Variants in ZNHIT3 observed in about 807,000 individuals in gnomAD.
ZNHIT3 encodes the protein zinc finger HIT-type containing 3, also known as zinc finger HIT domain-containing protein 3.
ZNHIT3 carries 27 observed loss-of-function variants against 19.9 expected under a neutral mutation model. That is an observed-to-expected ratio of 1.36 (90% CI 1.00 to 1.87). The LOEUF (loss-of-function observed/expected upper bound fraction) is 1.87. Among genes scored for constraint, ZNHIT3 ranks in the 40% most tolerant of loss-of-function variants. The pLI is 0.00. For synonymous variants in ZNHIT3, 81 were observed against 65.7 expected, an observed-to-expected ratio of 1.23 and a Z score of -1.13; for missense variants, 215 against 185.6, an observed-to-expected ratio of 1.16 and a Z score of -0.92.
At chr17:36,496,254 C>T (rs770479272), downstream of ZNHIT3, 7 of 1,613,810 alleles carry the variant, frequency 4.3e-6, no homozygotes, top group Admixed American at 1.0e-4. Context: ...CCAAGGATCA[C>T]CCCAGCCCAG....
At chr17:36,492,479 TG>T (rs1212140835) in intron 2 of ZNHIT3, 1 of 261,810 alleles carries the variant, frequency 3.8e-6, no homozygotes, top group African/African-American at 2.2e-5. Flanking sequence ...TTGGTGGTTT[TG>T]CCCCTAGTTT....
At chr17:36,492,107 A>G (rs1031035453) in intron 2 of ZNHIT3, 3 of 152,210 alleles carry the variant, frequency 2.0e-5, no homozygotes, top group African/African-American at 7.2e-5. Flanking sequence ...TCAAATCTAC[A>G]TTTTAAGTCT....
intron 2 of ZNHIT3, chr17:36,489,625 A>ATTTTTTTTTT (rs61263050): frequency 7.2e-6 from 1 of 139,644 alleles, no homozygotes. Context: ...TCATTTGCCC[A>ATTTTTTTTTT]TTTTTTTTTT....
chr17:36,494,337 G>A (rs2070816322), intron 4 of ZNHIT3, among the ~76,000 whole-genome samples: 1 of 152,126 alleles, frequency 6.6e-6, no homozygotes, highest in African/African-American at 2.4e-5. Context: ...TAGCAACTTG[G>A]ACTTAATAGT....
Position 36,492,914 on chromosome 17 carries a change from T to G in ZNHIT3, c.205+15T>G. On this transcript the variant is annotated intron_variant, in intron 3 of 4. Transcript: ENST00000617429. ...GGAAAACAAAGGTGGGTTGGTTGAC[T>G]TCAAACAAATCTACAAGGGACTTCA... 1 of 1,611,932 alleles carries G rather than the reference T, an allele frequency of 6.2e-7. No homozygotes were observed. Among genetic ancestry groups the G allele is most frequent in the South Asian group, 1.1e-5 (1 of 91,026 alleles).
downstream of ZNHIT3, chr17:36,497,621 G>A: frequency 1.1e-6 from 1 of 873,796 alleles, no homozygotes; most frequent in Non-Finnish European, 1.4e-6. Context: ...CTCTCGTCCT[G>A]TCACCCAGGC....
chr17:36,493,907 A>T lies in ZNHIT3; in HGVS notation c.206-19A>T. ...CCTCCTTTTTAGCCATGAGCCATTG[A>T]CTGTTTTGTATTCCTTAGATGATGA... On this transcript the variant is annotated intron_variant, in intron 3 of 4. Coordinates refer to ENST00000617429, the MANE Select transcript of ZNHIT3 (RefSeq NM_004773.4). 2 of 1,584,980 alleles carry T rather than the reference A, an allele frequency of 1.3e-6. No homozygotes were observed. Among genetic ancestry groups the T allele is most frequent in the African/African-American group, 1.3e-5 (1 of 74,450 alleles).
intron 3 of ZNHIT3, 89 bp downstream of exon 3, chr17:36,492,988 C>A: frequency 1.7e-6 from 2 of 1,207,206 alleles, no homozygotes; most frequent in Non-Finnish European, 2.4e-6. Context: ...GTCAGGGAAT[C>A]CAGAACAATA....
At chr17:36,496,431 T>C, downstream of ZNHIT3, 1 of 1,612,526 alleles carries the variant, frequency 6.2e-7, no homozygotes, top group Non-Finnish European at 8.5e-7. Context: ...GAGATGCAGC[T>C]TTAGCACTAG....
chr17:36,497,086 T>A (rs1403232580), downstream of ZNHIT3, among the ~76,000 whole-genome samples: 1 of 151,882 alleles, frequency 6.6e-6, no homozygotes, highest in Admixed American at 6.6e-5. Context: ...TCCCAGCACT[T>A]TGGGAGGGCA....
At chr17:36,493,079 A>C (rs2070765090) in intron 3 of ZNHIT3, 180 bp downstream of exon 3, 1 of 630,880 alleles carries the variant, frequency 1.6e-6, no homozygotes, top group South Asian at 1.9e-5. Flanking sequence ...TTGAGGCAAC[A>C]GCCTGAAAGC....
downstream of ZNHIT3, chr17:36,497,597 T>A: frequency 1.0e-6 from 1 of 974,034 alleles, no homozygotes; most frequent in Non-Finnish European, 1.2e-6. Context: ...AACTTTTTTT[T>A]TTTTTTAGAT....
At chr17:36,489,351 T>G (rs572444325) in intron 2 of ZNHIT3, 11 of 152,360 alleles carry the variant, frequency 7.2e-5, no homozygotes, top group African/African-American at 2.6e-4. Context: ...ATTCGTAGTT[T>G]TTTTTTAGGA....
rs566059266 is a variant in ZNHIT3 at position 36,495,025 on chromosome 17, A to G, written c.287-198A>G. 3.0e-3 allele frequency among the ~76,000 whole-genome samples: 460 copies of G among 152,216 alleles called. 2 individuals carry two copies. Among genetic ancestry groups the G allele is most frequent in the Non-Finnish European group, 3.0e-3 (207 of 68,014 alleles). On this transcript the variant is annotated intron_variant, in intron 4 of 4. Coordinates refer to ENST00000617429, the MANE Select transcript of ZNHIT3 (RefSeq NM_004773.4). ...CATTTTATAGAGGTGGGGTCTCGCC[A>G]TGTTGCACAGGCTGGTCTTGAACTC...
chr17:36,497,072 G>A (rs146791514), downstream of ZNHIT3, among the ~76,000 whole-genome samples: 259 of 152,140 alleles, frequency 1.7e-3, 5 homozygotes, highest in South Asian at 0.025. Flanking sequence ...GCTCACACCT[G>A]TAATCCCAGC....
downstream of ZNHIT3, chr17:36,498,248 C>T: frequency 6.3e-7 from 1 of 1,599,176 alleles, no homozygotes; most frequent in Non-Finnish European, 8.5e-7. Context: ...GCTGTCATGG[C>T]CATCACACAC....
intron 2 of ZNHIT3, chr17:36,489,053 A>C (rs1374872268): frequency 1.3e-5 from 2 of 152,254 alleles, no homozygotes; most frequent in African/African-American, 2.4e-5. Context: ...CCACATGTTA[A>C]CAAGAACATC....
intron 2 of ZNHIT3, chr17:36,491,722 T>C (rs1832366694): frequency 6.6e-6 from 1 of 152,188 alleles, no homozygotes; most frequent in South Asian, 2.1e-4. Context: ...TCCAACTGTT[T>C]AGCTCCAGCC....
chr17:36,496,020 AC>A, downstream of ZNHIT3: 1 of 799,874 alleles, frequency 1.3e-6, no homozygotes, highest in Non-Finnish European at 1.8e-6. Context: ...ATGTTTCTTA[AC>A]CCTGATTTGG....
Sources: gnomAD v4.1 joint callset for allele counts (sites outside exome capture counted in the v4.1 genomes callset) on GRCh38, gnomAD v4.1.1 for gene constraint, MANE v1.5 for transcripts, NCBI Gene and HGNC (gene_info 2026-07-23, HGNC 2026-07-21) for gene names.